The following CLSPN variants were observed in gnomAD, a reference collection of about 807,000 sequenced individuals.
CLSPN encodes the protein claspin homolog.
A neutral mutation model predicts 156.3 loss-of-function variants in CLSPN; 85 were observed. The observed-to-expected ratio is 0.54, with a 90% CI of 0.46 to 0.65. The LOEUF is 0.65. CLSPN is among the 30% of genes least tolerant of loss of function. The pLI is 0.00. For missense variants in CLSPN, 1,407 were observed against 1,554.9 expected, an observed-to-expected ratio of 0.90 and a Z score of 1.60; for synonymous variants, 534 against 542.4, an observed-to-expected ratio of 0.98 and a Z score of 0.22.
intron 20 of CLSPN, 81 bp from the exon 21 acceptor site, chr1:35,738,663 T>C: frequency 7.2e-7 from 1 of 1,396,870 alleles, no homozygotes; most frequent in South Asian, 1.3e-5. Flanking sequence ...TAAACCCTTA[T>C]CATTTACTAT....
Position 35,748,513 on chromosome 1 carries a change from AG to A in CLSPN, c.2363del (p.Pro788LeufsTer49). On this transcript the variant is annotated frameshift_variant, in exon 13 of 25. Transcript: ENST00000318121. LOFTEE classifies it high-confidence loss of function. ...TCCCACGGCCTGTTTGTCTGTTGCA[AG>A]GCTGATAGGATGGAATCGTGGAGCC... ...LIGSTIPSYQ[P>X]CNRQTGRGTS... 1 of 1,614,146 alleles carries A rather than the reference AG, an allele frequency of 6.2e-7. No individual in the cohort carries two copies. The highest frequency in any genetic ancestry group is 8.5e-7 in the Non-Finnish European group (1 of 1,179,990).
At chr1:35,724,527 G>A (rs578039126) in intron 24 of CLSPN, among the ~76,000 whole-genome samples, 5 of 152,338 alleles carry the variant, frequency 3.3e-5, no homozygotes, top group African/African-American at 1.2e-4. Flanking sequence ...AACAAAGCAC[G>A]ATCCTGGATT....
Position 35,753,897 on chromosome 1 carries a change from T to C in CLSPN, c.1619A>G (p.Asn540Ser). 6.2e-7 allele frequency: 1 copy of C among 1,614,208 alleles called. No homozygotes were observed. Among genetic ancestry groups the C allele is most frequent in the Non-Finnish European group, 8.5e-7 (1 of 1,180,034 alleles). ...ALKQRFWKHA[N>S]PAAKPRAGQT... is the part of the protein sequence containing the mutation. ...ACCAGCCCTGGGTTTGGCTGCTGGA[T>C]TAGCATGCTTCCAGAAACGCTGCTT... is the stretch of plus-strand genomic sequence containing the variant. Residue 540 changes from asparagine to serine, a missense_variant, in exon 9 of 25, where the codon AAT becomes AGT. Transcript: ENST00000318121.
At chr1:35,755,125 G>A (rs1440964475) in intron 8 of CLSPN, among the ~76,000 whole-genome samples, 3 of 152,000 alleles carry the variant, frequency 2.0e-5, no homozygotes, top group Non-Finnish European at 4.4e-5. Context: ...ATGGAGTCTC[G>A]CTTTGTCGCC....
At chr1:35,754,857 T>C (rs1642220436) in intron 8 of CLSPN, among the ~76,000 whole-genome samples, 1 of 152,128 alleles carries the variant, frequency 6.6e-6, no homozygotes, top group Non-Finnish European at 1.5e-5. Context: ...AATATATATA[T>C]ACTGGGAACA....
rs1390271741 is a variant in CLSPN, at chr1:35,735,445, C to T, written c.*1051G>A. On this transcript the variant is annotated 3_prime_UTR_variant, in exon 25 of 25. Coordinates refer to ENST00000318121, the MANE Select transcript of CLSPN (RefSeq NM_022111.4). Reference sequence around the variant, plus strand: ...TCTTTTGGCTGGGCACAGTGGCTCACGCCTGTAATCTCAGCACTTTGGGAG... The same window carrying T: ...TCTTTTGGCTGGGCACAGTGGCTCATGCCTGTAATCTCAGCACTTTGGGAG... 1.5e-5 allele frequency: 15 copies of T among 983,204 alleles called. No individual in the cohort carries two copies. In the African/African-American group the frequency reaches 1.9e-4, roughly 13 times the overall value. The allele number at this position is 983,204 out of a possible 1,614,324, so 60.9% of individuals were successfully genotyped here. A position where few individuals can be genotyped will look rare whatever the true frequency, so the allele number is the denominator to read the frequency against.
chr1:35,763,739 A>G (rs1169339918), intron 3 of CLSPN, among the ~76,000 whole-genome samples: 1 of 151,978 alleles, frequency 6.6e-6, no homozygotes, highest in African/African-American at 2.4e-5. Context: ...TTATTTGGAA[A>G]TGTCCTCTGC....
rs763765337 is a variant in CLSPN at position 35,739,385 on chromosome 1, A to G, written c.3288T>C (p.Ser1096=). Reference sequence around the variant, plus strand: ...CTGACATGTGTATTTTCTTGATTTGACTCTGCAGTTCCTCATCAGAAGGAA... The same window carrying G: ...CTGACATGTGTATTTTCTTGATTTGGCTCTGCAGTTCCTCATCAGAAGGAA... ...EVLPSDEELQ[S]QIKKIHMKTM... Residue 1096 remains serine, a synonymous_variant, in exon 19 of 25, where the codon AGT becomes AGC. Transcript: ENST00000318121. 10 of 1,613,700 alleles carry G rather than the reference A, an allele frequency of 6.2e-6. No individual in the cohort carries two copies. Among genetic ancestry groups the G allele is most frequent in the Non-Finnish European group, 8.5e-6 (10 of 1,179,950 alleles).
chr1:35,762,085 GAAGT>G lies in CLSPN; in HGVS notation c.823-19_823-16del. ...GCCTTTCTTTCCTTAAAGAAAACAA[GAAGT>G]GAGACTACATTAATTATATGAATAT... On this transcript the variant is annotated splice_polypyrimidine_tract_variant and intron_variant, in intron 5 of 24. Transcript: ENST00000318121. The G allele has an allele frequency of 6.5e-7, 1 of 1,539,290 alleles. No individual in the cohort carries two copies. The highest frequency in any genetic ancestry group is 9.0e-7 in the Non-Finnish European group (1 of 1,112,946).
At chr1:35,759,994 C>T (rs1041985933) in intron 8 of CLSPN, among the ~76,000 whole-genome samples, 3 of 152,008 alleles carry the variant, frequency 2.0e-5, no homozygotes, top group South Asian at 2.1e-4. Context: ...CCACCATGCC[C>T]GGCTAATTTT....
intron 22 of CLSPN, 108 bp downstream of exon 22, chr1:35,737,884 C>T: frequency 1.8e-6 from 1 of 566,778 alleles, no homozygotes; most frequent in Non-Finnish European, 3.0e-6. Context: ...CAGTATTAGA[C>T]ACAAGCTTAT....
downstream of CLSPN, among the ~76,000 whole-genome samples, chr1:35,729,287 C>T (rs1321271562): frequency 1.3e-5 from 2 of 152,164 alleles, no homozygotes; most frequent in Non-Finnish European, 2.9e-5. Context: ...CTCTTCAACC[C>T]TACATCTAGC....
At chr1:35,750,396 GT>G (rs74977132) in intron 10 of CLSPN, among the ~76,000 whole-genome samples, 1,819 of 141,918 alleles carry the variant, frequency 0.013, 9 homozygotes, top group African/African-American at 0.027. Flanking sequence ...AAAAAGGAAA[GT>G]TTTTTTTTTT....
At chr1:35,724,620 T>C (rs763317195) in intron 24 of CLSPN, among the ~76,000 whole-genome samples, 47 of 152,338 alleles carry the variant, frequency 3.1e-4, no homozygotes, top group Non-Finnish European at 4.9e-4. Context: ...TTTGGGAACT[T>C]AGGCAAATCA....
At chr1:35,748,820 CTTTT>C (rs201350754) in intron 12 of CLSPN, 1,099 of 290,990 alleles carry the variant, frequency 3.8e-3, no homozygotes, top group Middle Eastern at 8.0e-3. Context: ...CTTGAAAGTT[CTTTT>C]TTTTTTTTTT....
chr1:35,769,177 T>C (rs1233869738), intron 1 of CLSPN, among the ~76,000 whole-genome samples: 2 of 152,234 alleles, frequency 1.3e-5, no homozygotes, highest in African/African-American at 2.4e-5. Context: ...TGAGTTTGAT[T>C]GAGGGTTTTG....
chr1:35,757,698 A>G (rs779148687), intron 8 of CLSPN, among the ~76,000 whole-genome samples: 1 of 152,212 alleles, frequency 6.6e-6, no homozygotes, highest in Non-Finnish European at 1.5e-5. Context: ...TTAGTCCCAT[A>G]TAACAAAAAC....
chr1:35,748,272 G>T, intron 13 of CLSPN, 133 bp downstream of exon 13: 3 of 992,006 alleles, frequency 3.0e-6, no homozygotes, highest in Non-Finnish European at 4.6e-6. Context: ...TACACAAAGG[G>T]GGTGGATTTT....
Position 35,746,845 on chromosome 1 carries a change from T to C in CLSPN, c.2775A>G (p.Lys925=), listed in dbSNP as rs1355671559. Residue 925 remains lysine, a synonymous_variant, in exon 15 of 25, where the codon AAA becomes AAG. Transcript: ENST00000318121. The surrounding 1 kb of genome is among the most constrained non-coding windows in gnomAD (Gnocchi z 4.2). ...CTGKFTSQAE[K]HLPRKSDKKE... Reference sequence around the variant, plus strand: ...TCTTGTCACTCTTCCTGGGTAGATGTTTTTCAGCCTGAGATGTGAACTTTC... The same window carrying C: ...TCTTGTCACTCTTCCTGGGTAGATGCTTTTCAGCCTGAGATGTGAACTTTC... 3.7e-6 allele frequency: 6 copies of C among 1,613,914 alleles called. No individual in the cohort carries two copies. The highest frequency in any genetic ancestry group is 2.2e-5 in the East Asian group (1 of 44,894).
Sources: gnomAD v4.1 joint callset for allele counts (sites outside exome capture counted in the v4.1 genomes callset) on GRCh38, gnomAD v4.1.1 for gene constraint, Gnocchi (gnomAD v3.1) non-coding constraint, MANE v1.5 for transcripts, NCBI Gene and HGNC (gene_info 2026-07-23, HGNC 2026-07-21) for gene names.